ARHGAP18: variants seen among roughly 807,000 people sequenced by gnomAD.
The protein encoded by ARHGAP18 is rho GTPase-activating protein 18.
A neutral mutation model predicts 86.2 loss-of-function variants in ARHGAP18; 67 were observed. That is an observed-to-expected ratio of 0.78 (90% confidence interval 0.64 to 0.95). The LOEUF is 0.95. Among genes scored for constraint, ARHGAP18 ranks in the 40% least tolerant of loss-of-function variants. The pLI, the probability that ARHGAP18 is intolerant of heterozygous loss-of-function variation, is 0.00. For synonymous variants in ARHGAP18, 283 were observed against 280.4 expected, an observed-to-expected ratio of 1.01 and a Z score of -0.09; for missense variants, 691 against 780.4, an observed-to-expected ratio of 0.89 and a Z score of 1.37.
intron 1 of ARHGAP18, among the ~76,000 whole-genome samples, chr6:129,690,404 A>G (rs564465570): frequency 3.9e-5 from 6 of 152,240 alleles, no homozygotes; most frequent in Non-Finnish European, 5.9e-5. Context: ...CAAGTCATCA[A>G]TTATTACATA....
At chr6:129,644,506 C>T (rs980328833) in intron 1 of ARHGAP18, among the ~76,000 whole-genome samples, 5 of 152,140 alleles carry the variant, frequency 3.3e-5, no homozygotes, top group Admixed American at 6.5e-5. Flanking sequence ...CTTCATTTTT[C>T]GTATTGCATG....
At chr6:129,661,973 C>A (rs1052066641) in intron 1 of ARHGAP18, 3 of 380,166 alleles carry the variant, frequency 7.9e-6, no homozygotes, top group Non-Finnish European at 9.5e-6. Flanking sequence ...CTGGTGTTGC[C>A]ACACACACAC....
At chr6:129,616,850 G>C (rs913800828) in intron 6 of ARHGAP18, among the ~76,000 whole-genome samples, 9 of 152,096 alleles carry the variant, frequency 5.9e-5, no homozygotes, top group African/African-American at 2.2e-4. Context: ...CAGCTACTTG[G>C]GGGGCTGAGG....
At position 129,611,528 on chromosome 6, in the gene ARHGAP18, A is replaced by T; in HGVS notation, c.1122+5T>A. On this transcript the variant is annotated splice_donor_5th_base_variant and intron_variant, in intron 8 of 14. Coordinates refer to ENST00000368149, the MANE Select transcript of ARHGAP18 (RefSeq NM_033515.3). ...ATGTTTACATTAGTAGAACCCAGAG[A>T]TTACCTTGATTCTAATGGCAGCTCC... 6.2e-7 allele frequency: 1 copy of T among 1,613,058 alleles called. No individual in the cohort carries two copies. The highest frequency in any genetic ancestry group is 8.5e-7 in the Non-Finnish European group (1 of 1,179,188).
Position 129,601,617 on chromosome 6 carries a change from C to T in ARHGAP18, c.1366-769G>A, listed in dbSNP as rs761348654. 5.1e-4 allele frequency among the ~76,000 whole-genome samples: 76 copies of T among 147,820 alleles called. No individual in the cohort carries two copies. In the Middle Eastern group the frequency reaches 0.011, roughly 21 times the overall value. On this transcript the variant is annotated intron_variant, in intron 10 of 14. Coordinates refer to ENST00000368149, the MANE Select transcript of ARHGAP18 (RefSeq NM_033515.3). ...AGAAAGCGGGGAAATGAGGAAAGAC[C>T]AAAGAGAATCTTTCTTTTTTTTTTT... is the stretch of plus-strand genomic sequence containing the variant.
intron 1 of ARHGAP18, among the ~76,000 whole-genome samples, chr6:129,688,026 G>A (rs1277561820): frequency 6.6e-6 from 1 of 152,162 alleles, no homozygotes; most frequent in Non-Finnish European, 1.5e-5. Flanking sequence ...TGGAGCAATT[G>A]GGTATTCTGA....
intron 12 of ARHGAP18, among the ~76,000 whole-genome samples, chr6:129,588,705 G>T (rs983835889): frequency 6.6e-6 from 1 of 152,182 alleles, no homozygotes; most frequent in African/African-American, 2.4e-5. Context: ...CTGTGTGGGG[G>T]CTCCAACCCC....
chr6:129,653,954 G>T (rs1773773856), intron 1 of ARHGAP18, among the ~76,000 whole-genome samples: 1 of 152,120 alleles, frequency 6.6e-6, no homozygotes, highest in African/African-American at 2.4e-5. Context: ...GAGGTGAGAG[G>T]ATCCCTTGAG....
At chr6:129,597,272 A>G (rs1449869755) in intron 12 of ARHGAP18, among the ~76,000 whole-genome samples, 1 of 151,782 alleles carries the variant, frequency 6.6e-6, no homozygotes, top group African/African-American at 2.4e-5. Context: ...AAGTAGCTGG[A>G]CTACAGGTGT....
chr6:129,690,063 A>C lies in ARHGAP18; in HGVS notation c.113+19961T>G, dbSNP rs181063170. On this transcript the variant is annotated intron_variant, in intron 1 of 14. Transcript: ENST00000368149. ...GCAGACATATAAGCACTTTGGCCAA[A>C]CAGTCCGTTTATAATGTTTTATTCA... Among the ~76,000 whole-genome samples, 13 of 151,430 alleles carry C rather than the reference A, an allele frequency of 8.6e-5. No homozygotes were observed. The East Asian group carries it at 2.3e-3, about 27-fold the overall frequency.
chr6:129,642,762 A>C (rs569764152), intron 1 of ARHGAP18, among the ~76,000 whole-genome samples: 10 of 152,330 alleles, frequency 6.6e-5, no homozygotes, highest in Non-Finnish European at 1.2e-4. Flanking sequence ...CAACCGATGA[A>C]GCACTATTTG....
intron 1 of ARHGAP18, among the ~76,000 whole-genome samples, chr6:129,656,158 A>G (rs1773830624): frequency 6.6e-6 from 1 of 152,248 alleles, no homozygotes; most frequent in African/African-American, 2.4e-5. Flanking sequence ...TTTGAAGTCC[A>G]AAGAAGCACA....
chr6:129,695,821 TAAAAG>T (rs79968468), intron 1 of ARHGAP18, among the ~76,000 whole-genome samples: 33,989 of 151,842 alleles, frequency 0.22, 4,041 homozygotes, highest in East Asian at 0.31. Context: ...AAAGTACTGT[TAAAAG>T]AAAGTTCCCT....
intron 1 of ARHGAP18, among the ~76,000 whole-genome samples, chr6:129,648,376 C>T (rs976627980): frequency 6.6e-6 from 1 of 151,908 alleles, no homozygotes; most frequent in African/African-American, 2.4e-5. Flanking sequence ...ATTGCCAAGG[C>T]TGGTCTGGAA....
rs540775306 is a variant in ARHGAP18 at position 129,625,493 on chromosome 6, A to G, written c.786+3860T>C. ...ATATATTTTATATTATATATTATAT[A>G]TAATATATATTTTATATATCATATA... On this transcript the variant is annotated intron_variant, in intron 5 of 14. Coordinates refer to ENST00000368149, the MANE Select transcript of ARHGAP18 (RefSeq NM_033515.3). Among the ~76,000 whole-genome samples, 4 of 60,906 alleles carry G rather than the reference A, an allele frequency of 6.6e-5. 1 individual carries two copies. Among genetic ancestry groups the G allele is most frequent in the Admixed American group, 6.2e-4 (2 of 3,204 alleles). 40.0% of individuals were successfully genotyped at this position (60,906 alleles called of 152,430 possible).
At chr6:129,699,439 A>G (rs1774676175) in intron 1 of ARHGAP18, among the ~76,000 whole-genome samples, 1 of 152,226 alleles carries the variant, frequency 6.6e-6, no homozygotes, top group South Asian at 2.1e-4. Context: ...TGGAGAGGCA[A>G]CAAAGAAACA....
intron 1 of ARHGAP18, among the ~76,000 whole-genome samples, chr6:129,644,239 T>C (rs1773532499): frequency 6.6e-6 from 1 of 152,206 alleles, no homozygotes; most frequent in African/African-American, 2.4e-5. Flanking sequence ...GCCTCAATCG[T>C]CCTGTTTACA....
intron 11 of ARHGAP18, 42 bp downstream of exon 11, chr6:129,600,600 T>A: frequency 6.6e-7 from 1 of 1,507,158 alleles, no homozygotes; most frequent in East Asian, 2.3e-5. Context: ...ATGCAATTTG[T>A]TTTTTAAACT....
At chr6:129,644,037 G>C (rs1282975508) in intron 1 of ARHGAP18, among the ~76,000 whole-genome samples, 1 of 152,122 alleles carries the variant, frequency 6.6e-6, no homozygotes, top group Non-Finnish European at 1.5e-5. Context: ...ATTAATGCTG[G>C]TTGCATACAT....
Sources: gnomAD v4.1 joint callset for allele counts (sites outside exome capture counted in the v4.1 genomes callset) on GRCh38, gnomAD v4.1.1 for gene constraint, MANE v1.5 for transcripts, NCBI Gene and HGNC (gene_info 2026-07-23, HGNC 2026-07-21) for gene names.